Variants in BAALC observed in about 807,000 individuals in gnomAD.
BAALC encodes the protein BAALC binder of MAP3K1 and KLF4.
BAALC carries 9 observed loss-of-function variants against 15.5 expected under a neutral mutation model. The ratio of observed to expected loss-of-function variants is 0.58; its 90% CI spans 0.35 to 1.02. The LOEUF (loss-of-function observed/expected upper bound fraction) is 1.02. BAALC is among the 50% of genes least tolerant of loss of function. The pLI is 0.02. For missense variants in BAALC, 201 were observed against 192.4 expected, an observed-to-expected ratio of 1.04 and a Z score of -0.27; for synonymous variants, 80 against 74.6, an observed-to-expected ratio of 1.07 and a Z score of -0.37.
intron 1 of BAALC, among the ~76,000 whole-genome samples, chr8:103,142,142 T>C (rs1307586606): frequency 6.6e-6 from 1 of 152,236 alleles, no homozygotes; most frequent in African/African-American, 2.4e-5. Flanking sequence ...GCATAATGTA[T>C]AACATATGGA....
intron 1 of BAALC, among the ~76,000 whole-genome samples, chr8:103,162,752 A>G (rs1429200609): frequency 1.8e-5 from 1 of 56,476 alleles, no homozygotes; most frequent in Non-Finnish European, 4.5e-5. Flanking sequence ...AAAGCATGGT[A>G]GTTTTAATAA....
At chr8:103,193,891 C>T (rs1029055595) in intron 1 of BAALC, among the ~76,000 whole-genome samples, 6 of 152,118 alleles carry the variant, frequency 3.9e-5, no homozygotes, top group Non-Finnish European at 4.4e-5. Flanking sequence ...CCACCAAAGA[C>T]GCTTGTTGGG....
At chr8:103,166,726 A>T (rs1811358037) in intron 1 of BAALC, among the ~76,000 whole-genome samples, 1 of 152,180 alleles carries the variant, frequency 6.6e-6, no homozygotes, top group Non-Finnish European at 1.5e-5. Context: ...TTCACTATTA[A>T]TGAGGTGCTT....
intron 2 of BAALC, among the ~76,000 whole-genome samples, chr8:103,214,492 C>G (rs1332385607): frequency 1.3e-5 from 2 of 152,194 alleles, no homozygotes; most frequent in Admixed American, 6.5e-5. Context: ...CTGGTCCTGT[C>G]CCCTCGGGCC....
intron 1 of BAALC, among the ~76,000 whole-genome samples, chr8:103,154,891 T>C (rs796751489): frequency 1.3e-5 from 2 of 150,946 alleles, no homozygotes; most frequent in African/African-American, 4.9e-5. Flanking sequence ...TAACACCACC[T>C]GTGATGTGGG....
At chr8:103,210,532 T>C (rs1812427222) in intron 1 of BAALC, among the ~76,000 whole-genome samples, 1 of 152,262 alleles carries the variant, frequency 6.6e-6, no homozygotes, top group South Asian at 2.1e-4. Flanking sequence ...ACTGCGCTTC[T>C]GATGCCTGCC....
chr8:103,144,268 A>G (rs997671366), intron 1 of BAALC, among the ~76,000 whole-genome samples: 2 of 152,220 alleles, frequency 1.3e-5, no homozygotes, highest in Non-Finnish European at 2.9e-5. Context: ...CTTCTTACTC[A>G]AAAAATGATC....
At chr8:103,164,805 C>T (rs72671386) in intron 1 of BAALC, among the ~76,000 whole-genome samples, 12,512 of 152,286 alleles carry the variant, frequency 0.082, 676 homozygotes, top group Non-Finnish European at 0.12. Flanking sequence ...TTTCCCCATA[C>T]GCCTTTTCTT....
At chr8:103,192,664 T>C (rs537680871) in intron 1 of BAALC, among the ~76,000 whole-genome samples, 100 of 152,180 alleles carry the variant, frequency 6.6e-4, no homozygotes, top group Non-Finnish European at 1.2e-3. Context: ...TACATTTAGA[T>C]GGCCAAGGGA....
intron 1 of BAALC, among the ~76,000 whole-genome samples, chr8:103,171,340 AAGG>A (rs146645073): frequency 0.085 from 12,742 of 149,518 alleles, 736 homozygotes; most frequent in Middle Eastern, 0.13. Flanking sequence ...AGAAAGAAGG[AAGG>A]AGGAAAGAGC....
intron 1 of BAALC, among the ~76,000 whole-genome samples, chr8:103,198,407 G>A (rs921481230): frequency 3.1e-4 from 47 of 152,150 alleles, no homozygotes; most frequent in African/African-American, 1.0e-3. Context: ...TATTTCACGA[G>A]TAATATATCA....
intron 2 of BAALC, among the ~76,000 whole-genome samples, chr8:103,222,415 A>C (rs753566629): frequency 3.6e-4 from 55 of 152,214 alleles, no homozygotes; most frequent in Non-Finnish European, 8.8e-5. Flanking sequence ...CCAGAGTCAG[A>C]CTGGAAAGTA....
At chr8:103,153,088 G>A (rs1172135601) in intron 1 of BAALC, 2 of 152,238 alleles carry the variant, frequency 1.3e-5, no homozygotes, top group Non-Finnish European at 2.9e-5. Flanking sequence ...GGCATTGGAT[G>A]TGGGCTTCCC....
intron 1 of BAALC, among the ~76,000 whole-genome samples, chr8:103,178,221 T>C (rs1811647201): frequency 6.6e-6 from 1 of 152,232 alleles, no homozygotes; most frequent in African/African-American, 2.4e-5. Flanking sequence ...CACAGCTGGA[T>C]GATAAAGTCA....
rs1812895313 is a variant in BAALC at position 103,230,086 on chromosome 8, A to G, written c.*1987A>G. 3 of 152,184 alleles carry G rather than the reference A, an allele frequency of 2.0e-5. No individual in the cohort carries two copies. Among genetic ancestry groups the G allele is most frequent in the Admixed American group, 2.0e-4 (3 of 15,280 alleles). 9.4% of individuals were successfully genotyped at this position (152,184 alleles called of 1,614,324 possible). On this transcript the variant is annotated 3_prime_UTR_variant, in exon 3 of 3. Transcript: ENST00000309982. The stretch of plus-strand genomic sequence containing the variant: ...CTGTTTTATATAGAAACACTTTCTC[A>G]CTTACAGGGGAGAAGGAAATGCAGG...
chr8:103,227,797 A>G (rs751862460), intron 2 of BAALC, among the ~76,000 whole-genome samples, 192 bp from the exon 3 acceptor site: 7 of 151,990 alleles, frequency 4.6e-5, no homozygotes, highest in Non-Finnish European at 8.8e-5. Context: ...TCCCCCTTAA[A>G]TAGTGAAGTC....
chr8:103,185,522 C>T (rs755183370), intron 1 of BAALC, among the ~76,000 whole-genome samples: 33 of 152,212 alleles, frequency 2.2e-4, no homozygotes, highest in Non-Finnish European at 2.9e-4. Flanking sequence ...ATATCAACAT[C>T]ATTCCCTATT....
chr8:103,201,551 C>T (rs938871855), intron 1 of BAALC, among the ~76,000 whole-genome samples: 2 of 152,236 alleles, frequency 1.3e-5, no homozygotes, highest in African/African-American at 4.8e-5. Context: ...CTTGTTCTCC[C>T]TCTCTTAAGG....
intron 1 of BAALC, among the ~76,000 whole-genome samples, chr8:103,147,771 T>C (rs1186064526): frequency 1.3e-5 from 2 of 152,172 alleles, no homozygotes; most frequent in Non-Finnish European, 1.5e-5. Flanking sequence ...CAGCAGACCT[T>C]TGGCCTCCGC....
Sources: allele counts gnomAD v4.1 joint callset (sites outside exome capture counted in the v4.1 genomes callset), GRCh38; gene constraint gnomAD v4.1.1; transcripts MANE v1.5; gene names NCBI Gene and HGNC (gene_info 2026-07-23, HGNC 2026-07-21).